The following TINAG variants were observed in gnomAD, a reference collection of about 807,000 sequenced individuals.
The protein encoded by TINAG is tubulointerstitial nephritis antigen.
In TINAG, 83 loss-of-function variants were observed where a neutral mutation model predicts 72.7. That is an observed-to-expected ratio of 1.14 (90% confidence interval 0.96 to 1.37). The LOEUF (loss-of-function observed/expected upper bound fraction) is 1.37. Among genes scored for constraint, TINAG ranks in the 40% most tolerant of loss-of-function variants. TINAG has a pLI of 0.00. For missense variants in TINAG, 685 were observed against 576.6 expected, an observed-to-expected ratio of 1.19 and a Z score of -1.93; for synonymous variants, 234 against 189.9, an observed-to-expected ratio of 1.23 and a Z score of -1.91.
intron 1 of TINAG, among the ~76,000 whole-genome samples, chr6:54,311,480 G>A (rs1233734655): frequency 6.6e-6 from 1 of 152,184 alleles, no homozygotes; most frequent in Admixed American, 6.5e-5. Context: ...AGAAGTAGCT[G>A]CATTAGTTTA....
At chr6:54,333,614 A>C (rs1784794556) in intron 4 of TINAG, among the ~76,000 whole-genome samples, 2 of 140,062 alleles carry the variant, frequency 1.4e-5, no homozygotes, top group African/African-American at 6.1e-5. Flanking sequence ...CTTGAAGTAT[A>C]ATAAAAAAAA....
At chr6:54,380,464 C>A (rs191057180) in intron 9 of TINAG, 62 bp from the exon 10 acceptor site, 24 of 1,401,544 alleles carry the variant, frequency 1.7e-5, no homozygotes, top group Non-Finnish European at 2.4e-5. Flanking sequence ...AATCTGCATT[C>A]TCTCAAGAAG....
At chr6:54,368,655 C>T (rs946142364) in intron 9 of TINAG, among the ~76,000 whole-genome samples, 1 of 151,294 alleles carries the variant, frequency 6.6e-6, no homozygotes. Context: ...GTTTTACTAC[C>T]AGGTATTGCA....
chr6:54,389,737 T>TA (rs1377559920), intron 10 of TINAG, 54 bp from the exon 11 acceptor site: 4 of 1,543,952 alleles, frequency 2.6e-6, no homozygotes, highest in Non-Finnish European at 3.5e-6. Flanking sequence ...TGGCTTTTTT[T>TA]AAAAAATACC....
At chr6:54,332,452 T>C (rs1376872826) in intron 4 of TINAG, among the ~76,000 whole-genome samples, 2 of 152,106 alleles carry the variant, frequency 1.3e-5, no homozygotes, top group Non-Finnish European at 2.9e-5. Flanking sequence ...ACTTACACCT[T>C]ATACAAAAAT....
chr6:54,328,559 C>T (rs1315964675), intron 4 of TINAG, among the ~76,000 whole-genome samples: 1 of 152,084 alleles, frequency 6.6e-6, no homozygotes, highest in Non-Finnish European at 1.5e-5. Flanking sequence ...CAGAATGCCT[C>T]TTCTTCTCCA....
At position 54,380,553 on chromosome 6, in the gene TINAG, G is replaced by A; in HGVS notation, c.1278G>A (p.Gly426=). The A allele has an allele frequency of 1.2e-6, 2 of 1,610,360 alleles. No individual in the cohort carries two copies. Among genetic ancestry groups the A allele is most frequent in the Non-Finnish European group, 1.7e-6 (2 of 1,177,814 alleles). ...GGGGCACACTGAGAGGAGCACAAGGGCAGAAAGAAAAATTTTGGGTATGTA... is the reference window on the plus strand; with the variant it reads ...GGGGCACACTGAGAGGAGCACAAGGACAGAAAGAAAAATTTTGGGTATGTA... ...TGWGTLRGAQ[G]QKEKFWIAAN... is the part of the protein sequence containing the mutation. The change falls in exon 10 of 11, where the codon GGG becomes GGA. Residue 426 remains glycine, a synonymous_variant. Coordinates refer to ENST00000259782, the MANE Select transcript of TINAG (RefSeq NM_014464.4).
intron 10 of TINAG, among the ~76,000 whole-genome samples, chr6:54,386,965 T>C (rs1467766460): frequency 6.6e-6 from 1 of 152,098 alleles, no homozygotes; most frequent in Non-Finnish European, 1.5e-5. Flanking sequence ...TAAGAAAAAG[T>C]AAGCCACAGA....
chr6:54,380,504 T>C (rs752022283), intron 9 of TINAG, 22 bp from the exon 10 acceptor site: 3 of 1,600,274 alleles, frequency 1.9e-6, no homozygotes, highest in African/African-American at 2.7e-5. Flanking sequence ...ATACCAATCT[T>C]TATTATTGTT....
Position 54,308,911 on chromosome 6 carries a change from C to T in TINAG, c.355+6C>T, listed in dbSNP as rs1319083918. 1 of 1,592,316 alleles carries T rather than the reference C, an allele frequency of 6.3e-7. No homozygotes were observed. The highest frequency in any genetic ancestry group is 8.6e-7 in the Non-Finnish European group (1 of 1,169,512). ...ACAGCCTTGGTATCCAGAAGGTAGG[C>T]TTTGGGAATGTGTTTCAACATCATC... On this transcript the variant is annotated splice_donor_region_variant and intron_variant, in intron 1 of 10. Coordinates refer to ENST00000259782, the MANE Select transcript of TINAG (RefSeq NM_014464.4).
At chr6:54,353,027 G>A (rs1785302642) in intron 8 of TINAG, among the ~76,000 whole-genome samples, 2 of 151,748 alleles carry the variant, frequency 1.3e-5, no homozygotes, top group South Asian at 4.1e-4. Context: ...TTATAATTCT[G>A]TATAATGAGT....
In TINAG at chr6:54,308,792, G is replaced by C; in HGVS notation, c.242G>C (p.Cys81Ser). 1 of 1,613,854 alleles carries C rather than the reference G, an allele frequency of 6.2e-7. No homozygotes were observed. Among genetic ancestry groups the C allele is most frequent in the East Asian group, 2.2e-5 (1 of 44,854 alleles). ...GAGTTCTATGCGGCGAATGCGTTGT[G>C]CTACTGTGATAAATTCTGTGACAGA... ...VTEFYAANAL[C>S]YCDKFCDREN... Residue 81 changes from cysteine (C) to serine (S), a missense_variant, in exon 1 of 11, where the codon TGC (cysteine) becomes TCC (serine). Physicochemically the swap from Cys to Ser is moderately radical, Grantham distance 112. Transcript: ENST00000259782.
chr6:54,350,319 A>G (rs1785234966), intron 7 of TINAG, among the ~76,000 whole-genome samples: 1 of 152,010 alleles, frequency 6.6e-6, no homozygotes, highest in South Asian at 2.1e-4. Flanking sequence ...CTTGGATTCT[A>G]GTTTGTCTGT....
In TINAG at chr6:54,335,929, A is replaced by G. The variant is rs558190169; in HGVS notation, c.625-7297A>G. Among the ~76,000 whole-genome samples, 9 of 152,132 alleles carry G rather than the reference A, an allele frequency of 5.9e-5. No homozygotes were observed. The East Asian group carries it at 1.4e-3, about 23-fold the overall frequency. On this transcript the variant is annotated intron_variant, in intron 4 of 10. Transcript: ENST00000259782. Reference sequence around the variant, plus strand: ...AATTTCCATGCACCTCCTTCCATAAACATCTCCTTGGCCATATTGCTTGGG... The same window carrying G: ...AATTTCCATGCACCTCCTTCCATAAGCATCTCCTTGGCCATATTGCTTGGG...
intron 1 of TINAG, 96 bp downstream of exon 1, chr6:54,309,001 T>A: frequency 9.2e-7 from 1 of 1,083,510 alleles, no homozygotes; most frequent in Non-Finnish European, 1.3e-6. Context: ...TTTCCTTCTT[T>A]CAATGAAATG....
chr6:54,314,164 A>G (rs368657512), intron 1 of TINAG, among the ~76,000 whole-genome samples: 6 of 152,164 alleles, frequency 3.9e-5, no homozygotes, highest in Non-Finnish European at 5.9e-5. Context: ...TATGTACCAT[A>G]TAAGAACATG....
chr6:54,345,653 A>G (rs1158878282), intron 5 of TINAG, among the ~76,000 whole-genome samples: 2 of 152,056 alleles, frequency 1.3e-5, no homozygotes, highest in Non-Finnish European at 2.9e-5. Flanking sequence ...ATGGGGAATT[A>G]TTTTCTTGAG....
At chr6:54,366,546 T>C (rs1316553072) in intron 9 of TINAG, among the ~76,000 whole-genome samples, 1 of 149,310 alleles carries the variant, frequency 6.7e-6, no homozygotes, top group Non-Finnish European at 1.5e-5. Context: ...AATACAAATA[T>C]CAATAGAATA....
At chr6:54,307,967 G>A, upstream of TINAG, 1 of 1,410,890 alleles carries the variant, frequency 7.1e-7, no homozygotes. Flanking sequence ...AACGCTTCTG[G>A]TAGGTAAATG....
Sources: gnomAD v4.1 joint callset for allele counts (sites outside exome capture counted in the v4.1 genomes callset) on GRCh38, gnomAD v4.1.1 for gene constraint, MANE v1.5 for transcripts, NCBI Gene and HGNC (gene_info 2026-07-23, HGNC 2026-07-21) for gene names.